Variants in CDH23 observed in about 807,000 individuals in gnomAD.
CDH23 encodes the protein cadherin related 23.
In CDH23, 189 loss-of-function variants were observed where a neutral mutation model predicts 317.1. The ratio of observed to expected loss-of-function variants is 0.60; its 90% CI spans 0.53 to 0.67. The LOEUF (loss-of-function observed/expected upper bound fraction) is 0.67, where lower values mean the gene tolerates loss of function less well. CDH23 is among the 30% of genes least tolerant of loss of function. CDH23 has a pLI of 0.00. For missense variants in CDH23, 4,401 were observed against 4,592.4 expected, an observed-to-expected ratio of 0.96 and a Z score of 1.20; for synonymous variants, 1,839 against 1,876.8, an observed-to-expected ratio of 0.98 and a Z score of 0.52.
At chr10:71,759,688 T>A (rs1277532358) in intron 38 of CDH23, among the ~76,000 whole-genome samples, 1 of 151,672 alleles carries the variant, frequency 6.6e-6, no homozygotes, top group East Asian at 1.9e-4. Context: ...ACGCCTGTAA[T>A]CTCATCCTAG....
chr10:71,426,924 T>C (rs543344992), intron 1 of CDH23, among the ~76,000 whole-genome samples: 11 of 152,052 alleles, frequency 7.2e-5, no homozygotes, highest in Admixed American at 2.0e-4. Flanking sequence ...GATGGAAGAA[T>C]TGCTTGAGTC....
rs767886762 is a variant in CDH23 at position 71,751,714 on chromosome 10, G to T, written c.4845+9793G>T. 6 of 1,573,346 alleles carry T rather than the reference G, an allele frequency of 3.8e-6. No homozygotes were observed. In the Admixed American group the frequency reaches 5.7e-5, roughly 15 times the overall value. On this transcript the variant is annotated intron_variant, in intron 38 of 69. Coordinates refer to ENST00000224721, the MANE Select transcript of CDH23 (RefSeq NM_022124.6). The surrounding 1 kb of genome is among the most constrained non-coding windows in gnomAD (Gnocchi z 4.9). The stretch of plus-strand genomic sequence containing the variant: ...CTCCGGGGCCTGGAGGAGACAGGGG[G>T]GTGCTGGGCTCCGAAAGCAGATGCC...
At chr10:71,520,934 C>T (rs1854639205) in intron 6 of CDH23, among the ~76,000 whole-genome samples, 3 of 152,126 alleles carry the variant, frequency 2.0e-5, no homozygotes, top group South Asian at 2.1e-4. Flanking sequence ...AGGGGGAAAA[C>T]GAGACAGAGC....
chr10:71,606,842 C>T (rs1276424752), intron 9 of CDH23, among the ~76,000 whole-genome samples: 1 of 152,098 alleles, frequency 6.6e-6, no homozygotes, highest in African/African-American at 2.4e-5. Flanking sequence ...GGAAGAGGCT[C>T]CAGGCAGCTT....
chr10:71,762,043 G>GCTCAGGAGAGT, intron 38 of CDH23: 1 of 1,577,448 alleles, frequency 6.3e-7, no homozygotes. Context: ...AGAGAGAGGA[G>GCTCAGGAGAGT]AGCCCTGTCA....
intron 2 of CDH23, among the ~76,000 whole-genome samples, chr10:71,445,847 C>CAA (rs34460284): frequency 0.12 from 10,648 of 91,294 alleles, 979 homozygotes; most frequent in South Asian, 0.14. Context: ...GACTCTGTCT[C>CAA]AAAAAAAAAA....
At chr10:71,580,319 A>G (rs1564666441) in intron 9 of CDH23, among the ~76,000 whole-genome samples, 2 of 152,232 alleles carry the variant, frequency 1.3e-5, no homozygotes. Flanking sequence ...CAGGCTCCCA[A>G]GTACAAACAA....
chr10:71,689,170 G>GGGATGGTGGAGTCAA (rs1865084283), intron 19 of CDH23, among the ~76,000 whole-genome samples: 6 of 60,004 alleles, frequency 1.0e-4, no homozygotes, highest in Non-Finnish European at 1.9e-4. Flanking sequence ...GGTGGAGTCA[G>GGGATGGTGGAGTCAA]GGGTGGTAGA....
intron 7 of CDH23, among the ~76,000 whole-genome samples, chr10:71,567,140 A>G (rs1857455428): frequency 6.6e-6 from 1 of 152,202 alleles, no homozygotes; most frequent in African/African-American, 2.4e-5. Flanking sequence ...TGAGCACTCA[A>G]AGGGACTTTA....
At chr10:71,403,916 C>T (rs1443069101) in intron 1 of CDH23, among the ~76,000 whole-genome samples, 1 of 151,974 alleles carries the variant, frequency 6.6e-6, no homozygotes, top group Non-Finnish European at 1.5e-5. Flanking sequence ...ATGGTGAAAC[C>T]CCGTCTCTAC....
At chr10:71,713,145 G>C in intron 28 of CDH23, 2 of 779,018 alleles carry the variant, frequency 2.6e-6, no homozygotes, top group Admixed American at 3.4e-5. Flanking sequence ...TCCCGGAAAG[G>C]AGTTGAGAAG....
At chr10:71,445,458 A>G (rs759268368) in intron 2 of CDH23, among the ~76,000 whole-genome samples, 10 of 152,186 alleles carry the variant, frequency 6.6e-5, no homozygotes, top group Non-Finnish European at 1.3e-4. Context: ...GTCCTTGCAG[A>G]GCTCATATTC....
intron 11 of CDH23, among the ~76,000 whole-genome samples, chr10:71,633,381 T>C (rs1003393133): frequency 1.4e-4 from 22 of 152,124 alleles, no homozygotes; most frequent in Admixed American, 2.6e-4. Context: ...CCTTCGTCCA[T>C]TCACCCATAG....
chr10:71,403,600 TC>T (rs1406553012), intron 1 of CDH23, among the ~76,000 whole-genome samples: 1 of 147,658 alleles, frequency 6.8e-6, no homozygotes, highest in Non-Finnish European at 1.5e-5. Context: ...TACTGCAACC[TC>T]CGCCTCCCGG....
At chr10:71,427,174 A>AGAAG (rs367720086) in intron 1 of CDH23, among the ~76,000 whole-genome samples, 26 of 90,532 alleles carry the variant, frequency 2.9e-4, no homozygotes, top group Middle Eastern at 5.6e-3. Context: ...AAAAAAAGAA[A>AGAAG]GAAGGAAGGA....
intron 31 of CDH23, among the ~76,000 whole-genome samples, 153 bp downstream of exon 31, chr10:71,730,757 T>C (rs1839349689): frequency 6.6e-6 from 1 of 152,188 alleles, no homozygotes; most frequent in East Asian, 1.9e-4. Context: ...ATGGTCTTGA[T>C]CACTTCCCAC....
chr10:71,617,617 G>A (rs2132521034), intron 11 of CDH23: 1 of 1,198,556 alleles, frequency 8.3e-7, no homozygotes, highest in South Asian at 1.6e-5. Context: ...GTTTCCATAT[G>A]TGTGGTTATT....
chr10:71,637,604 T>C (rs987533878), intron 11 of CDH23, among the ~76,000 whole-genome samples: 1 of 152,134 alleles, frequency 6.6e-6, no homozygotes, highest in Non-Finnish European at 1.5e-5. Flanking sequence ...AGGTTGTGGC[T>C]TCCAAGGTTC....
At chr10:71,765,988 C>T (rs752038077) in intron 38 of CDH23, among the ~76,000 whole-genome samples, 36 of 152,146 alleles carry the variant, frequency 2.4e-4, no homozygotes, top group Non-Finnish European at 3.5e-4. Flanking sequence ...AGGCCCACAG[C>T]AGCCTGTCGT....
Sources: allele counts gnomAD v4.1 joint callset (sites outside exome capture counted in the v4.1 genomes callset), GRCh38; gene constraint gnomAD v4.1.1; non-coding constraint Gnocchi (gnomAD v3.1); transcripts MANE v1.5; gene names NCBI Gene and HGNC (gene_info 2026-07-23, HGNC 2026-07-21).